Variants in ARHGEF4 observed in about 807,000 individuals in gnomAD.
The protein encoded by ARHGEF4 is APC-stimulated guanine nucleotide exchange factor 1.
In ARHGEF4, 119 loss-of-function variants were observed where a neutral mutation model predicts 162.0. The ratio of observed to expected loss-of-function variants is 0.73; its 90% CI spans 0.63 to 0.86. The LOEUF (loss-of-function observed/expected upper bound fraction) is 0.86. Ranked by LOEUF, ARHGEF4 falls within the 40% of genes least tolerant of loss-of-function variation. The pLI, the probability that ARHGEF4 is intolerant of heterozygous loss-of-function variation, is 0.00. For synonymous variants in ARHGEF4, 1,014 were observed against 979.9 expected (o/e 1.03, Z -0.65); for missense variants, 2,488 against 2,456.0 (o/e 1.01, Z -0.28).
intron 2 of ARHGEF4, among the ~76,000 whole-genome samples, chr2:130,928,328 C>A (rs373670253): frequency 3.9e-5 from 6 of 152,136 alleles, no homozygotes; most frequent in Non-Finnish European, 8.8e-5. Context: ...AGGATTATAC[C>A]GGGAAAGAAT....
intron 1 of ARHGEF4, among the ~76,000 whole-genome samples, chr2:130,881,572 T>G (rs985960250): frequency 6.6e-6 from 1 of 151,074 alleles, no homozygotes; most frequent in Admixed American, 6.5e-5. Flanking sequence ...GCTTCTGCCC[T>G]TGCTGGTGGG....
chr2:130,963,461 T>C lies in ARHGEF4; in HGVS notation c.3985+16826T>C, dbSNP rs183271502. Among the ~76,000 whole-genome samples the C allele has an allele frequency of 2.1e-4, 32 of 152,090 alleles. No homozygotes were observed. In the East Asian group the frequency reaches 6.1e-3, roughly 29 times the overall value. On this transcript the variant is annotated intron_variant, in intron 4 of 13. Transcript: ENST00000409359. ...CCGCCAACCGTCTGAGCTGGAATCC[T>C]TGCGGTGAAAAAGTGGGCGCCCACC... is the stretch of plus-strand genomic sequence containing the variant.
intron 1 of ARHGEF4, among the ~76,000 whole-genome samples, chr2:130,885,611 C>G (rs1447008447): frequency 6.8e-6 from 1 of 146,342 alleles, no homozygotes; most frequent in South Asian, 2.2e-4. Flanking sequence ...CCTCTGTCGC[C>G]CAGTCTGGAA....
chr2:130,914,770 T>C lies in ARHGEF4; in HGVS notation c.824T>C (p.Leu275Pro). The C allele has an allele frequency of 7.0e-7, 1 of 1,434,706 alleles. No homozygotes were observed. Among genetic ancestry groups the C allele is most frequent in the Admixed American group, 2.9e-5 (1 of 34,774 alleles). The allele number at this position is 1,434,706 out of a possible 1,614,324, so 88.9% of individuals were successfully genotyped here. ...ACCAGGACAAAGAAGGAAAGTACTC[T>C]AGGCCCTGCAGGGGACACAGAATTG... ...LGTRTKKEST[L>P]GPAGDTELLW... Residue 275 changes from leucine (L) to proline (P), a missense_variant, in exon 2 of 14, where the codon CTA becomes CCA. Transcript: ENST00000409359.
At chr2:130,852,134 G>A (rs545369244) in intron 1 of ARHGEF4, among the ~76,000 whole-genome samples, 18 of 152,336 alleles carry the variant, frequency 1.2e-4, no homozygotes, top group East Asian at 3.9e-4. Context: ...CCTGCTCCAC[G>A]GCACACCCTG....
At chr2:131,037,919 TCTC>T (rs1690426956) in intron 5 of ARHGEF4, among the ~76,000 whole-genome samples, 1 of 152,268 alleles carries the variant, frequency 6.6e-6, no homozygotes, top group South Asian at 2.1e-4. Flanking sequence ...CGTTTCTGCT[TCTC>T]CTAGAACTTG....
intron 1 of ARHGEF4, among the ~76,000 whole-genome samples, chr2:130,911,863 T>G (rs933742107): frequency 6.6e-6 from 1 of 152,248 alleles, no homozygotes; most frequent in African/African-American, 2.4e-5. Flanking sequence ...ACTGGCATTC[T>G]AGTCACCAGG....
At chr2:131,032,619 G>A (rs1262287377) in intron 5 of ARHGEF4, among the ~76,000 whole-genome samples, 1 of 151,774 alleles carries the variant, frequency 6.6e-6, no homozygotes, top group Non-Finnish European at 1.5e-5. Context: ...GTCACCTGGT[G>A]GCCAGCCCCT....
intron 4 of ARHGEF4, among the ~76,000 whole-genome samples, chr2:130,982,618 T>C: frequency 3.4e-5 from 1 of 29,550 alleles, no homozygotes; most frequent in Middle Eastern, 0.042. Context: ...TCCTCCTTTC[T>C]TCTTTTCTTT....
chr2:130,853,026 T>A (rs113221289), intron 1 of ARHGEF4, among the ~76,000 whole-genome samples: 32 of 152,290 alleles, frequency 2.1e-4, no homozygotes, highest in African/African-American at 7.2e-4. Context: ...GATGCTCCCA[T>A]CGAGGGTCAG....
intron 4 of ARHGEF4, among the ~76,000 whole-genome samples, chr2:131,010,384 T>G (rs1217695621): frequency 2.0e-5 from 3 of 152,248 alleles, no homozygotes; most frequent in Non-Finnish European, 2.9e-5. Flanking sequence ...ATAGCCGTTT[T>G]GTTGTGCTTT....
chr2:130,969,472 G>A (rs908110500), intron 4 of ARHGEF4, among the ~76,000 whole-genome samples: 3 of 151,950 alleles, frequency 2.0e-5, no homozygotes, highest in Non-Finnish European at 4.4e-5. Flanking sequence ...GGTGGTGGGT[G>A]CCTGTAGTCC....
chr2:131,002,883 C>T (rs1028618133), intron 4 of ARHGEF4, among the ~76,000 whole-genome samples: 14 of 152,102 alleles, frequency 9.2e-5, no homozygotes, highest in African/African-American at 3.4e-4. Flanking sequence ...CTTCTGAGTT[C>T]ATAGAATGAG....
chr2:131,045,705 G>C (rs920332821), intron 13 of ARHGEF4: 9 of 1,450,542 alleles, frequency 6.2e-6, no homozygotes, highest in African/African-American at 2.9e-5. Flanking sequence ...TGTTTCCCCA[G>C]GGTTCCTTCC....
chr2:131,015,470 C>G (rs1023579104), intron 4 of ARHGEF4, among the ~76,000 whole-genome samples: 5 of 152,218 alleles, frequency 3.3e-5, no homozygotes, highest in African/African-American at 1.2e-4. Context: ...ATGTGCCATG[C>G]TAGTGTGAGA....
Position 130,915,666 on chromosome 2 carries a change from C to G in ARHGEF4, c.1720C>G (p.Leu574Val). 1.9e-6 allele frequency: 3 copies of G among 1,550,464 alleles called. No homozygotes were observed. Among genetic ancestry groups the G allele is most frequent in the Non-Finnish European group, 2.6e-6 (3 of 1,146,984 alleles). ...TSKAAEEAMV[L>V]DPNYREQALQ... ...AAAGGCAGCCGAAGAAGCCATGGTT[C>G]TAGACCCCAACTACAGGGAACAGGC... The change falls in exon 2 of 14, where the codon CTA becomes GTA. Residue 574 changes from leucine to valine, a missense_variant. Transcript: ENST00000409359.
At position 130,915,967 on chromosome 2, in the gene ARHGEF4, C is replaced by G; in HGVS notation, c.2021C>G (p.Pro674Arg). The change falls in exon 2 of 14, where the codon CCC becomes CGC. Residue 674 changes from proline (P) to arginine (R), a missense_variant. Coordinates refer to ENST00000409359, the MANE Select transcript of ARHGEF4 (RefSeq NM_001367493.1). The part of the protein sequence containing the change: ...PESPLSTGET[P>R]CESPTRGKTP... ...TCTCCCTTGAGCACTGGCGAGACCC[C>G]CTGTGAGTCTCCCACTAGGGGGAAA... The G allele has an allele frequency of 6.4e-6, 10 of 1,550,546 alleles. No homozygotes were observed. Among genetic ancestry groups the G allele is most frequent in the Non-Finnish European group, 8.7e-6 (10 of 1,146,990 alleles).
At chr2:130,922,520 T>A (rs905661485) in intron 2 of ARHGEF4, among the ~76,000 whole-genome samples, 1 of 151,960 alleles carries the variant, frequency 6.6e-6, no homozygotes, top group Non-Finnish European at 1.5e-5. Context: ...AGGGAGTGAG[T>A]ACAAATGTTG....
At position 130,889,248 on chromosome 2, in the gene ARHGEF4, C is replaced by G. The variant is rs577087806; in HGVS notation, c.40-24738C>G. 5.7e-4 allele frequency among the ~76,000 whole-genome samples: 86 copies of G among 152,186 alleles called. 3 individuals are homozygous for G. Among genetic ancestry groups the G allele is most frequent in the African/African-American group, 1.9e-3 (80 of 41,446 alleles). On this transcript the variant is annotated intron_variant, in intron 1 of 13. Coordinates refer to ENST00000409359, the MANE Select transcript of ARHGEF4 (RefSeq NM_001367493.1). The stretch of plus-strand genomic sequence containing the variant: ...TTTCTCATGGGTAATATAATGATCT[C>G]AGAACATTTTAACCTCAGACTTTTA...
Sources: gnomAD v4.1 joint callset for allele counts (sites outside exome capture counted in the v4.1 genomes callset) on GRCh38, gnomAD v4.1.1 for gene constraint, MANE v1.5 for transcripts, NCBI Gene and HGNC (gene_info 2026-07-23, HGNC 2026-07-21) for gene names.